The following TEX35 variants were observed in gnomAD, a reference collection of about 807,000 sequenced individuals.
TEX35 encodes the protein testis expressed 35.
Under a neutral mutation model 31.9 loss-of-function variants are expected in TEX35, and 26 were observed. That is an observed-to-expected ratio of 0.81 (90% confidence interval 0.60 to 1.13). The LOEUF is 1.13. Among genes scored for constraint, TEX35 ranks in the 50% most tolerant of loss-of-function variants. TEX35 has a pLI of 0.00. For synonymous variants in TEX35, 87 were observed against 90.7 expected, an observed-to-expected ratio of 0.96 and a Z score of 0.23; for missense variants, 278 against 273.5, an observed-to-expected ratio of 1.02 and a Z score of -0.12.
chr1:178,523,327 G>T, downstream of TEX35: 1 of 697,542 alleles, frequency 1.4e-6, no homozygotes, highest in South Asian at 1.5e-5. Flanking sequence ...TGGGACTGCT[G>T]GATCTATGGT....
Position 178,522,331 on chromosome 1 carries a change from T to C in TEX35, c.593T>C (p.Ile198Thr). 1 of 1,597,738 alleles carries C rather than the reference T, an allele frequency of 6.3e-7. No individual in the cohort carries two copies. The highest frequency in any genetic ancestry group is 1.1e-5 in the South Asian group (1 of 87,968). ...CCTCCCTCCACCCCCAAAGGGAACA[T>C]TCCTTCAGAGGCCTCAGGCCTTTAC... The part of the protein sequence containing the change: ...ALKNNYNRGN[I>T]PSEASGLYKG... The change falls in exon 9 of 9, where the codon ATT becomes ACT. Residue 198 changes from isoleucine (I) to threonine (T), a missense_variant. By Grantham distance (89) the Ile-to-Thr change is moderately conservative. Transcript: ENST00000319416.
Position 178,515,894 on chromosome 1 carries a change from GA to G in TEX35, c.199del (p.Met67TrpfsTer4). 1 of 1,612,786 alleles carries G rather than the reference GA, an allele frequency of 6.2e-7. No individual in the cohort carries two copies. Among genetic ancestry groups the G allele is most frequent in the Non-Finnish European group, 8.5e-7 (1 of 1,179,128 alleles). ...GGGAAGTGAGAGAAGAGCTCAAGGA[GA>G]AAATGGAGGAGATAAAACAGGTAAG... ...LREVREELKE[K>X]MEEIKQIKDL... On this transcript the variant is annotated frameshift_variant, in exon 4 of 9. Coordinates refer to ENST00000319416, the MANE Select transcript of TEX35 (RefSeq NM_032126.5). LOFTEE classifies it high-confidence loss of function.
intron 5 of TEX35, among the ~76,000 whole-genome samples, chr1:178,517,676 A>C (rs1650129468): frequency 6.6e-6 from 1 of 152,232 alleles, no homozygotes; most frequent in Admixed American, 6.5e-5. Context: ...AGAATTTACA[A>C]TATGATAAAG....
At chr1:178,521,596 C>G (rs1558039761) in intron 8 of TEX35, 1 of 1,547,550 alleles carries the variant, frequency 6.5e-7, no homozygotes, top group Admixed American at 2.0e-5. Flanking sequence ...CCCTTTTCAC[C>G]CTTGGCTTCT....
rs759617385 is a variant in TEX35 at position 178,522,288 on chromosome 1, C to G, written c.587-37C>G. 4.5e-6 allele frequency: 7 copies of G among 1,541,130 alleles called. No individual in the cohort carries two copies. In the Admixed American group the frequency reaches 7.9e-5, roughly 17 times the overall value. On this transcript the variant is annotated intron_variant, in intron 8 of 8. Coordinates refer to ENST00000319416, the MANE Select transcript of TEX35 (RefSeq NM_032126.5). ...TTCTGGGGATCCACCCTTCTCACCC[C>G]CTTGAAGGTTTCCTCTCCCTCCCTC...
intron 4 of TEX35, 63 bp downstream of exon 4, chr1:178,515,978 T>A (rs1650061359): frequency 2.2e-6 from 3 of 1,335,152 alleles, no homozygotes; most frequent in Admixed American, 1.7e-5. Context: ...AATGCAATCC[T>A]TAAGTTTGAA....
At chr1:178,516,568 A>G (rs745491180) in intron 4 of TEX35, 47 bp from the exon 5 acceptor site, 12 of 1,552,464 alleles carry the variant, frequency 7.7e-6, no homozygotes, top group African/African-American at 1.4e-5. Flanking sequence ...ACTAACCTCA[A>G]TAACATGCTC....
intron 3 of TEX35, 22 bp downstream of exon 3, chr1:178,514,790 C>T: frequency 1.2e-6 from 2 of 1,608,046 alleles, no homozygotes; most frequent in Non-Finnish European, 1.7e-6. Flanking sequence ...AACTTGGAGG[C>T]ATGTCTATAT....
chr1:178,522,250 T>C, intron 8 of TEX35, 75 bp from the exon 9 acceptor site: 1 of 1,495,316 alleles, frequency 6.7e-7, no homozygotes, highest in Non-Finnish European at 9.0e-7. Flanking sequence ...AGGAACTGGG[T>C]AGCTTTCTTG....
intron 5 of TEX35, among the ~76,000 whole-genome samples, chr1:178,517,274 T>C (rs1198998308): frequency 6.6e-6 from 1 of 152,158 alleles, no homozygotes. Context: ...ACCAAACACA[T>C]GAATGAAATG....
chr1:178,521,738 G>A (rs748783933), intron 8 of TEX35: 35 of 1,551,594 alleles, frequency 2.3e-5, no homozygotes, highest in Non-Finnish European at 2.9e-5. Context: ...GCACAGTCAG[G>A]GCTTCTTGTC....
chr1:178,518,260 A>G (rs1246137140), intron 5 of TEX35, among the ~76,000 whole-genome samples: 2 of 152,156 alleles, frequency 1.3e-5, no homozygotes, highest in African/African-American at 4.8e-5. Context: ...ATGCTCTTAT[A>G]CTGTTAATTA....
At chr1:178,521,425 G>C (rs1378594959) in intron 8 of TEX35, 161 bp downstream of exon 8, 1 of 1,042,694 alleles carries the variant, frequency 9.6e-7, no homozygotes, top group Non-Finnish European at 1.5e-6. Context: ...AGTCATACAG[G>C]ATGTGGCACC....
At position 178,515,870 on chromosome 1, in the gene TEX35, G is replaced by A. The variant is rs202247712; in HGVS notation, c.171G>A (p.Arg57=). The change falls in exon 4 of 9, where the codon AGG becomes AGA. Residue 57 remains arginine, a synonymous_variant. Transcript: ENST00000319416. ...GVTQDLKNEL[R]EVREELKEKM... is the part of the protein sequence containing the mutation. The stretch of plus-strand genomic sequence containing the variant: ...TTTTATTTCCTCAGAATGAACTCAG[G>A]GAAGTGAGAGAAGAGCTCAAGGAGA... 5.0e-6 allele frequency: 8 copies of A among 1,612,056 alleles called. No individual in the cohort carries two copies. The East Asian group carries it at 1.3e-4, about 27-fold the overall frequency.
In TEX35 at chr1:178,515,857, A is replaced by C; in HGVS notation, c.160-2A>C. 6.2e-7 allele frequency: 1 copy of C among 1,610,510 alleles called. No homozygotes were observed. Among genetic ancestry groups the C allele is most frequent in the Non-Finnish European group, 8.5e-7 (1 of 1,177,696 alleles). ...CTTCTCTTCTCCATTTTATTTCCTCAGAATGAACTCAGGGAAGTGAGAGAA... is the reference window on the plus strand; with the variant it reads ...CTTCTCTTCTCCATTTTATTTCCTCCGAATGAACTCAGGGAAGTGAGAGAA... On this transcript the variant is annotated splice_acceptor_variant, in intron 3 of 8. Coordinates refer to ENST00000319416, the MANE Select transcript of TEX35 (RefSeq NM_032126.5). LOFTEE classifies it high-confidence loss of function.
intron 6 of TEX35, 96 bp downstream of exon 6, chr1:178,520,532 T>C (rs1423084244): frequency 6.2e-7 from 1 of 1,607,698 alleles, no homozygotes; most frequent in East Asian, 2.3e-5. Context: ...ACCCAGACTC[T>C]TGGAGGAGTT....
intron 8 of TEX35, 29 bp from the exon 9 acceptor site, chr1:178,522,296 G>A: frequency 6.5e-7 from 1 of 1,548,108 alleles, no homozygotes; most frequent in Non-Finnish European, 8.7e-7. Context: ...CCCCTTGAAG[G>A]TTTCCTCTCC....
intron 5 of TEX35, among the ~76,000 whole-genome samples, chr1:178,519,408 A>G (rs1650188024): frequency 6.6e-6 from 1 of 152,138 alleles, no homozygotes; most frequent in South Asian, 2.1e-4. Context: ...GAACATGATG[A>G]TTTTGAAGGG....
intron 3 of TEX35, among the ~76,000 whole-genome samples, chr1:178,515,517 A>G (rs1650044090): frequency 6.6e-6 from 1 of 152,146 alleles, no homozygotes; most frequent in Non-Finnish European, 1.5e-5. Flanking sequence ...TTTGGCAGAG[A>G]CACATGATGC....
Sources: allele counts gnomAD v4.1 joint callset (sites outside exome capture counted in the v4.1 genomes callset), GRCh38; gene constraint gnomAD v4.1.1; transcripts MANE v1.5; gene names NCBI Gene and HGNC (gene_info 2026-07-23, HGNC 2026-07-21).